Variants in SIRT1 observed in about 807,000 individuals in gnomAD.
SIRT1 encodes sirtuin 1, also known as NAD-dependent protein deacetylase sirtuin-1.
SIRT1 carries 24 observed loss-of-function variants against 67.9 expected under a neutral mutation model. The observed-to-expected ratio is 0.35, with a 90% confidence interval of 0.26 to 0.50. The LOEUF is 0.50. SIRT1 is among the 20% of genes least tolerant of loss of function. The pLI, the probability that SIRT1 is intolerant of heterozygous loss-of-function variation, is 0.98. For synonymous variants in SIRT1, 378 were observed against 350.7 expected (o/e 1.08, Z -0.87); for missense variants, 873 against 937.2 (o/e 0.93, Z 0.89).
chr10:67,891,573 GT>G lies in SIRT1; in HGVS notation c.942+21del. 6.2e-7 allele frequency: 1 copy of G among 1,611,738 alleles called. No homozygotes were observed. The highest frequency in any genetic ancestry group is 8.5e-7 in the Non-Finnish European group (1 of 1,178,662). On this transcript the variant is annotated intron_variant, in intron 4 of 8. Transcript: ENST00000212015. ...TGCAAAGGTACTATGAACTCTTCTG[GT>G]TGTTTCTTTGGCCTTCTCTCATGAA... is the stretch of plus-strand genomic sequence containing the variant.
At chr10:67,895,620 T>C (rs1589073021) in intron 4 of SIRT1, among the ~76,000 whole-genome samples, 1 of 151,706 alleles carries the variant, frequency 6.6e-6, no homozygotes, top group Non-Finnish European at 1.5e-5. Flanking sequence ...AAAGGAAATA[T>C]TGGTGAAATT....
In SIRT1 at chr10:67,888,998, C is replaced by A. The variant is rs1482498508; in HGVS notation, c.664C>A (p.Gln222Lys). Residue 222 changes from glutamine (Q) to lysine (K), a missense_variant, in exon 3 of 9, where the codon CAG becomes AAG. This residue lies in a region of SIRT1 where 251 missense variants were observed against 358.8 expected (regional missense o/e 0.70). Coordinates refer to ENST00000212015, the MANE Select transcript of SIRT1 (RefSeq NM_012238.5). Reference sequence around the variant, plus strand: ...TGAGTTGGATGATATGACACTGTGGCAGATTGTTATTAATATCCTTTCAGA... The same window carrying A: ...TGAGTTGGATGATATGACACTGTGGAAGATTGTTATTAATATCCTTTCAGA... ...PPELDDMTLW[Q>K]IVINILSEPP... The A allele has an allele frequency of 6.2e-7, 1 of 1,613,594 alleles. No homozygotes were observed. The highest frequency in any genetic ancestry group is 8.5e-7 in the Non-Finnish European group (1 of 1,179,906).
chr10:67,909,538 G>C, intron 7 of SIRT1, 96 bp downstream of exon 7: 1 of 1,009,760 alleles, frequency 9.9e-7, no homozygotes, highest in Non-Finnish European at 1.4e-6. Context: ...CTCTGCTTCT[G>C]TTTGAAAGAG....
chr10:67,889,496 A>G (rs1300014223), intron 3 of SIRT1, among the ~76,000 whole-genome samples: 1 of 152,218 alleles, frequency 6.6e-6, no homozygotes, highest in Non-Finnish European at 1.5e-5. Flanking sequence ...TGGAAACCTA[A>G]TTGGTATTCA....
At chr10:67,914,758 A>AGT (rs2029870307) in intron 8 of SIRT1, among the ~76,000 whole-genome samples, 1 of 152,098 alleles carries the variant, frequency 6.6e-6, no homozygotes, top group Non-Finnish European at 1.5e-5. Context: ...TCCAGGCTGA[A>AGT]GTACAATGGT....
Position 67,891,413 on chromosome 10 carries a change from A to G in SIRT1, c.801A>G (p.Ser267=). The G allele has an allele frequency of 2.5e-6, 4 of 1,613,998 alleles. No individual in the cohort carries two copies. The highest frequency in any genetic ancestry group is 3.4e-6 in the Non-Finnish European group (4 of 1,179,936). Residue 267 remains serine (S), a synonymous_variant, in exon 4 of 9, where the codon TCA becomes TCG. Coordinates refer to ENST00000212015, the MANE Select transcript of SIRT1 (RefSeq NM_012238.5). ...CATGCACATTTTAGGTGTCTGTTTC[A>G]TGTGGAATACCTGACTTCAGGTCAA... ...IVLTGAGVSV[S]CGIPDFRSRD...
In SIRT1 at chr10:67,884,691, G is replaced by T. The variant is rs1842445944; in HGVS notation, c.-31G>T. 5.7e-6 allele frequency: 7 copies of T among 1,227,706 alleles called. No homozygotes were observed. The highest frequency in any genetic ancestry group is 7.1e-6 in the Non-Finnish European group (7 of 985,424). 76.1% of individuals were successfully genotyped at this position (1,227,706 alleles called of 1,614,324 possible). A position where few individuals can be genotyped will look rare whatever the true frequency, so the allele number is the denominator to read the frequency against. On this transcript the variant is annotated 5_prime_UTR_variant, in exon 1 of 9. Coordinates refer to ENST00000212015, the MANE Select transcript of SIRT1 (RefSeq NM_012238.5). ...CGCGTCGAGCGGGAGCAGAGGAGGC[G>T]AGGGAGGAGGGCCAGAGAGGCAGTT...
At chr10:67,894,332 T>TAA (rs1332031817) in intron 4 of SIRT1, among the ~76,000 whole-genome samples, 1 of 152,264 alleles carries the variant, frequency 6.6e-6, no homozygotes, top group Admixed American at 6.5e-5. Context: ...ATCTAGCTTT[T>TAA]AGAGCAGACA....
At chr10:67,902,284 C>A (rs34832157) in intron 4 of SIRT1, among the ~76,000 whole-genome samples, 13,556 of 152,254 alleles carry the variant, frequency 0.089, 1,626 homozygotes, top group African/African-American at 0.27. Flanking sequence ...CCACCGCGCC[C>A]GGCTACAATA....
At chr10:67,913,072 A>G (rs200552106) in intron 8 of SIRT1, 41 bp downstream of exon 8, 230 of 1,542,882 alleles carry the variant, frequency 1.5e-4, no homozygotes, top group Middle Eastern at 5.3e-4. Flanking sequence ...TATAAATGTC[A>G]TAACAGTATT....
Position 67,912,719 on chromosome 10 carries a change from T to G in SIRT1, c.1603T>G (p.Ser535Ala). ...SELPPTPLHV[S>A]EDSSSPERTS... ...GTTGCCACCCACACCTCTTCATGTTTCAGAAGACTCAAGTTCACCAGAAAG... is the reference window on the plus strand; with the variant it reads ...GTTGCCACCCACACCTCTTCATGTTGCAGAAGACTCAAGTTCACCAGAAAG... Residue 535 changes from serine (S) to alanine (A), a missense_variant, in exon 8 of 9, where the codon TCA becomes GCA. By Grantham distance (99) the Ser-to-Ala change is moderately conservative (BLOSUM62 1). Transcript: ENST00000212015. 6.2e-7 allele frequency: 1 copy of G among 1,614,156 alleles called. No individual in the cohort carries two copies.
At chr10:67,913,547 C>T (rs1467129149) in intron 8 of SIRT1, among the ~76,000 whole-genome samples, 1 of 152,126 alleles carries the variant, frequency 6.6e-6, no homozygotes, top group Non-Finnish European at 1.5e-5. Flanking sequence ...TCTCTGAGGA[C>T]TTAGAAAAAA....
intron 8 of SIRT1, among the ~76,000 whole-genome samples, chr10:67,913,723 G>A (rs1482033359): frequency 6.6e-6 from 1 of 151,630 alleles, no homozygotes; most frequent in Non-Finnish European, 1.5e-5. Context: ...CCTAACTTAT[G>A]TTAAAAAAAA....
intron 1 of SIRT1, chr10:67,885,462 A>AT (rs1842462586): frequency 1.8e-6 from 2 of 1,112,646 alleles, no homozygotes; most frequent in Admixed American, 4.5e-5. Flanking sequence ...CTTTTAGCAT[A>AT]TTGCTTTTGT....
chr10:67,895,304 C>T (rs987095851), intron 4 of SIRT1, among the ~76,000 whole-genome samples: 1 of 152,106 alleles, frequency 6.6e-6, no homozygotes, highest in African/African-American at 2.4e-5. Context: ...CGCCTGTCGT[C>T]CCAGCTACGC....
In SIRT1 at chr10:67,917,758, G is replaced by T. The variant is rs910964998; in HGVS notation, c.*1165G>T. 3 of 152,632 alleles carry T rather than the reference G, an allele frequency of 2.0e-5. No homozygotes were observed. Among genetic ancestry groups the T allele is most frequent in the Non-Finnish European group, 4.4e-5 (3 of 68,020 alleles). The allele number at this position is 152,632 out of a possible 1,614,324, so 9.5% of individuals were successfully genotyped here. Reference sequence around the variant, plus strand: ...AACTTGTAATAGCAGAATAGTTAATGAATGAAACTAGTTCTTATAATTTAT... The same window carrying T: ...AACTTGTAATAGCAGAATAGTTAATTAATGAAACTAGTTCTTATAATTTAT... On this transcript the variant is annotated 3_prime_UTR_variant, in exon 9 of 9. Transcript: ENST00000212015.
At chr10:67,915,658 A>G (rs1411002261) in intron 8 of SIRT1, among the ~76,000 whole-genome samples, 1 of 152,140 alleles carries the variant, frequency 6.6e-6, no homozygotes, top group East Asian at 1.9e-4. Context: ...TTGACAAAAT[A>G]TTTTAGGTTT....
rs2029927463 is a variant in SIRT1 at position 67,916,778 on chromosome 10, A to G, written c.*185A>G. The G allele has an allele frequency of 2.4e-6, 1 of 424,342 alleles. No homozygotes were observed. 26.3% of individuals were successfully genotyped at this position (424,342 alleles called of 1,614,324 possible). ...CTTCATTATTTCTGTACTTGTACAA[A>G]CTCAACACTAACTTTTTTTTTTTTA... On this transcript the variant is annotated 3_prime_UTR_variant, in exon 9 of 9. Coordinates refer to ENST00000212015, the MANE Select transcript of SIRT1 (RefSeq NM_012238.5).
At chr10:67,907,117 G>GA (rs200029654) in intron 5 of SIRT1, among the ~76,000 whole-genome samples, 180 bp downstream of exon 5, 2,905 of 152,256 alleles carry the variant, frequency 0.019, 72 homozygotes, top group South Asian at 0.026. Flanking sequence ...TATTGGCCTT[G>GA]ACAGTTAATT....
Sources: gnomAD v4.1 joint callset for allele counts (sites outside exome capture counted in the v4.1 genomes callset) on GRCh38, gnomAD v4.1.1 for gene constraint, gnomAD v4.1.1 regional missense constraint, MANE v1.5 for transcripts, NCBI Gene and HGNC (gene_info 2026-07-23, HGNC 2026-07-21) for gene names.